The following IDE variants were observed in gnomAD, a reference collection of about 807,000 sequenced individuals.
IDE encodes the protein insulin-degrading enzyme.
In IDE, 58 loss-of-function variants were observed where a neutral mutation model predicts 133.2. The ratio of observed to expected loss-of-function variants is 0.44; its 90% CI spans 0.35 to 0.54. The LOEUF is 0.54. Ranked by LOEUF, IDE falls within the 20% of genes least tolerant of loss-of-function variation. The pLI, the probability that IDE is intolerant of heterozygous loss-of-function variation, is 0.00. For synonymous variants in IDE, 396 were observed against 421.3 expected (o/e 0.94, Z 0.73); for missense variants, 981 against 1,234.0 (o/e 0.79, Z 3.07).
chr10:92,508,148 A>G lies in IDE; in HGVS notation c.1118T>C (p.Phe373Ser). 1 of 1,613,982 alleles carries G rather than the reference A, an allele frequency of 6.2e-7. No homozygotes were observed. Among genetic ancestry groups the G allele is most frequent in the East Asian group, 2.2e-5 (1 of 44,872 alleles). The change falls in exon 8 of 25, where the codon TTT becomes TCT. Residue 373 changes from phenylalanine (F) to serine (S), a missense_variant. Coordinates refer to ENST00000265986, the MANE Select transcript of IDE (RefSeq NM_004969.4). ...QKEGARGFMF[F>S]IINVDLTEEG... is the part of the protein sequence containing the mutation. Reference sequence around the variant, plus strand: ...CTCGGTCAAGTCCACATTAATGATAAAAAACATAAAACCTCGGGCTCCTTC... The same window carrying G: ...CTCGGTCAAGTCCACATTAATGATAGAAAACATAAAACCTCGGGCTCCTTC...
At chr10:92,493,227 A>T (rs1200679575) in intron 11 of IDE, among the ~76,000 whole-genome samples, 1 of 152,160 alleles carries the variant, frequency 6.6e-6, no homozygotes, top group African/African-American at 2.4e-5. Context: ...CATTCAATAC[A>T]TGATAGAGCC....
At chr10:92,465,171 T>C (rs1845611135) in intron 20 of IDE, among the ~76,000 whole-genome samples, 1 of 152,242 alleles carries the variant, frequency 6.6e-6, no homozygotes, top group Non-Finnish European at 1.5e-5. Flanking sequence ...CACTGGTTCC[T>C]TTCTGTCATT....
intron 4 of IDE, among the ~76,000 whole-genome samples, chr10:92,524,605 T>C (rs938680450): frequency 2.3e-5 from 3 of 133,188 alleles, no homozygotes; most frequent in Non-Finnish European, 4.6e-5. Context: ...GGGATTCATC[T>C]CAGGGATGCA....
chr10:92,514,153 C>T lies in IDE; in HGVS notation c.784+767G>A, dbSNP rs189652283. On this transcript the variant is annotated intron_variant, in intron 5 of 24. Transcript: ENST00000265986. ...TGCATTTTTAAAAGTAAAAATGCATCTTTACTTTTAAGACTGATACTGTTA... is the reference window on the plus strand; with the variant it reads ...TGCATTTTTAAAAGTAAAAATGCATTTTTACTTTTAAGACTGATACTGTTA... Among the ~76,000 whole-genome samples the T allele has an allele frequency of 4.8e-3, 729 of 152,108 alleles. 6 individuals carry two copies. Among genetic ancestry groups the T allele is most frequent in the African/African-American group, 0.017 (692 of 41,508 alleles).
chr10:92,521,809 T>C (rs1233372903), intron 4 of IDE, among the ~76,000 whole-genome samples: 4 of 152,140 alleles, frequency 2.6e-5, no homozygotes, highest in Non-Finnish European at 2.9e-5. Flanking sequence ...CACTAGAAAT[T>C]TGAACACTAA....
intron 22 of IDE, among the ~76,000 whole-genome samples, chr10:92,458,491 T>G (rs12782629): frequency 7.9e-5 from 3 of 37,962 alleles, no homozygotes; most frequent in African/African-American, 2.0e-4. Flanking sequence ...ACTCTCTCTG[T>G]TTTTTTTTTT....
chr10:92,456,326 C>T (rs1845005696), intron 23 of IDE, 33 bp downstream of exon 23: 1 of 1,488,932 alleles, frequency 6.7e-7, no homozygotes, highest in African/African-American at 1.4e-5. Context: ...GATGGCTCAA[C>T]ATGAGCCTAA....
chr10:92,564,224 G>A (rs574965450), intron 1 of IDE, among the ~76,000 whole-genome samples: 4 of 152,160 alleles, frequency 2.6e-5, no homozygotes, highest in African/African-American at 9.7e-5. Flanking sequence ...TCCATTAGAG[G>A]AGAGAAGCAA....
rs1439745650 is a variant in IDE at position 92,524,407 on chromosome 10, ATATAT to A, written c.661+7336_661+7340del. The stretch of plus-strand genomic sequence containing the variant: ...TAATATATTTTATATAATATATAAT[ATATAT>A]TATATTATATATAATATATTTTATA... On this transcript the variant is annotated intron_variant, in intron 4 of 24. Transcript: ENST00000265986. Among the ~76,000 whole-genome samples the A allele has an allele frequency of 1.7e-4, 15 of 88,662 alleles. 1 individual carries two copies. Among genetic ancestry groups the A allele is most frequent in the East Asian group, 2.8e-4 (1 of 3,538 alleles). The allele number at this position is 88,662 out of a possible 152,430, so 58.2% of individuals were successfully genotyped here. A position where few individuals can be genotyped will look rare whatever the true frequency, so the allele number is the denominator to read the frequency against.
chr10:92,501,246 C>T (rs11187030), intron 11 of IDE, among the ~76,000 whole-genome samples: 55,630 of 149,126 alleles, frequency 0.37, 11,022 homozygotes, highest in East Asian at 0.67. Flanking sequence ...CCTGTAATCC[C>T]ACCTACTTGG....
chr10:92,547,559 G>A (rs550375031), intron 1 of IDE, among the ~76,000 whole-genome samples: 12 of 152,208 alleles, frequency 7.9e-5, no homozygotes, highest in African/African-American at 2.9e-4. Context: ...TACATTTACC[G>A]ATAGAGCATC....
At chr10:92,558,798 TTGGTCAGGC>T (rs1484788636) in intron 1 of IDE, 1 of 152,134 alleles carries the variant, frequency 6.6e-6, no homozygotes, top group African/African-American at 2.4e-5. Context: ...TTTCACCTTG[TTGGTCAGGC>T]TGGTCCTGAA....
In IDE at chr10:92,537,639, T is replaced by A. The variant is rs1320201104; in HGVS notation, c.99-89A>T. 5 of 922,870 alleles carry A rather than the reference T, an allele frequency of 5.4e-6. No individual in the cohort carries two copies. In the African/African-American group the frequency reaches 8.3e-5, roughly 15 times the overall value. The allele number at this position is 922,870 out of a possible 1,614,324, so 57.2% of individuals were successfully genotyped here. Reference sequence around the variant, plus strand: ...TCAAGTAAACCCATATAATACATCATCAGATTTTTCTAAATGCTGAAGGAA... The same window carrying A: ...TCAAGTAAACCCATATAATACATCAACAGATTTTTCTAAATGCTGAAGGAA... On this transcript the variant is annotated intron_variant, in intron 1 of 24. Coordinates refer to ENST00000265986, the MANE Select transcript of IDE (RefSeq NM_004969.4).
At chr10:92,490,980 GA>G (rs1729619958) in intron 11 of IDE, among the ~76,000 whole-genome samples, 1 of 152,224 alleles carries the variant, frequency 6.6e-6, no homozygotes, top group African/African-American at 2.4e-5. Context: ...GCTTATGCCT[GA>G]AATCCCAGCA....
intron 1 of IDE, among the ~76,000 whole-genome samples, chr10:92,549,453 A>C (rs79128128): frequency 0.028 from 4,286 of 152,254 alleles, 82 homozygotes; most frequent in Non-Finnish European, 0.044. Context: ...GTATCTACAT[A>C]TCTCTCAATC....
At chr10:92,500,193 A>T (rs960383161) in intron 11 of IDE, among the ~76,000 whole-genome samples, 23 of 151,814 alleles carry the variant, frequency 1.5e-4, no homozygotes, top group Non-Finnish European at 2.4e-4. Flanking sequence ...GCTACTCGGG[A>T]GGCTGAGGCA....
intron 4 of IDE, among the ~76,000 whole-genome samples, chr10:92,524,125 T>C (rs1178196448): frequency 7.4e-6 from 1 of 134,468 alleles, no homozygotes; most frequent in Non-Finnish European, 1.6e-5. Context: ...CCAACTAAAT[T>C]CAATAACATA....
intron 7 of IDE, 135 bp downstream of exon 7, chr10:92,508,592 CA>C (rs1479817672): frequency 3.3e-6 from 2 of 604,474 alleles, no homozygotes; most frequent in Non-Finnish European, 5.5e-6. Context: ...AGCGTGCCAA[CA>C]ACCACCATCT....
chr10:92,571,107 G>T (rs1342119438), intron 1 of IDE, among the ~76,000 whole-genome samples: 5 of 151,682 alleles, frequency 3.3e-5, no homozygotes, highest in African/African-American at 1.2e-4. Context: ...AGCCTCCCGG[G>T]TTCAAGCGAT....
Sources: allele counts gnomAD v4.1 joint callset (sites outside exome capture counted in the v4.1 genomes callset), GRCh38; gene constraint gnomAD v4.1.1; transcripts MANE v1.5; gene names NCBI Gene and HGNC (gene_info 2026-07-23, HGNC 2026-07-21).